Variants in NELL1 observed in about 807,000 individuals in gnomAD.
NELL1 encodes protein kinase C-binding protein NELL1.
NELL1 carries 76 observed loss-of-function variants against 107.4 expected under a neutral mutation model. The observed-to-expected ratio is 0.71, with a 90% CI of 0.59 to 0.86. NELL1 has a LOEUF of 0.86. Among genes scored for constraint, NELL1 ranks in the 40% least tolerant of loss-of-function variants. The probability of loss-of-function intolerance (pLI) is 0.00; values close to 1 mark genes in which losing one functional copy is unlikely to be tolerated. For synonymous variants in NELL1, 353 were observed against 341.2 expected (o/e 1.03, Z -0.38); for missense variants, 1,024 against 1,005.5 (o/e 1.02, Z -0.25).
intron 14 of NELL1, among the ~76,000 whole-genome samples, chr11:21,367,451 G>T (rs1851254415): frequency 2.4e-5 from 2 of 84,254 alleles, no homozygotes; most frequent in Non-Finnish European, 5.8e-5. Context: ...ATTACAAAGG[G>T]CACTAAGTTA....
chr11:21,427,189 C>T (rs1361768724), intron 15 of NELL1, among the ~76,000 whole-genome samples: 3 of 152,200 alleles, frequency 2.0e-5, no homozygotes, highest in Non-Finnish European at 4.4e-5. Context: ...TCACAACAGC[C>T]TTCCAAGAAT....
In NELL1 at chr11:21,382,041, A is replaced by T. The variant is rs1851626584; in HGVS notation, c.1645+11093A>T. Among the ~76,000 whole-genome samples, 3 of 150,428 alleles carry T rather than the reference A, an allele frequency of 2.0e-5. No homozygotes were observed. In the Admixed American group the frequency reaches 2.0e-4, roughly 10 times the overall value. On this transcript the variant is annotated intron_variant, in intron 15 of 19. Coordinates refer to ENST00000357134, the MANE Select transcript of NELL1 (RefSeq NM_006157.5). The stretch of plus-strand genomic sequence containing the variant: ...GACTCTGTACATAGGAAGAGTTGAG[A>T]TCTCATTCAAAAGGCTACCCACTTA...
chr11:21,493,338 T>C (rs148656165), intron 15 of NELL1, among the ~76,000 whole-genome samples: 1 of 152,264 alleles, frequency 6.6e-6, no homozygotes, highest in African/African-American at 2.4e-5. Flanking sequence ...TCAACCTAAG[T>C]GTCCATTGAC....
At chr11:20,805,623 C>G (rs745712952) in intron 3 of NELL1, among the ~76,000 whole-genome samples, 8 of 152,108 alleles carry the variant, frequency 5.3e-5, no homozygotes, top group African/African-American at 9.7e-5. Context: ...AGGTTCATGC[C>G]TCCCGAGCAG....
At chr11:20,677,431 C>T (rs531682892) in intron 1 of NELL1, among the ~76,000 whole-genome samples, 2 of 152,292 alleles carry the variant, frequency 1.3e-5, no homozygotes, top group African/African-American at 4.8e-5. Flanking sequence ...CTTCATAACT[C>T]ATCTGACAGC....
At chr11:21,109,697 G>A (rs1484947599) in intron 12 of NELL1, among the ~76,000 whole-genome samples, 1 of 152,070 alleles carries the variant, frequency 6.6e-6, no homozygotes, top group Non-Finnish European at 1.5e-5. Context: ...ATACCCTTCA[G>A]AGCCTTTTTT....
intron 5 of NELL1, among the ~76,000 whole-genome samples, chr11:20,897,981 A>G (rs1191214746): frequency 6.6e-6 from 1 of 152,222 alleles, no homozygotes; most frequent in African/African-American, 2.4e-5. Context: ...GGGACCGTAA[A>G]CTAGTTCAGC....
intron 13 of NELL1, among the ~76,000 whole-genome samples, chr11:21,144,866 T>C (rs897393556): frequency 1.3e-5 from 2 of 152,070 alleles, no homozygotes; most frequent in African/African-American, 4.8e-5. Context: ...GACAAGGAAG[T>C]TCTAAAATGC....
chr11:20,848,839 G>T (rs1466411823), intron 4 of NELL1, among the ~76,000 whole-genome samples: 2 of 152,180 alleles, frequency 1.3e-5, no homozygotes, highest in Non-Finnish European at 2.9e-5. Flanking sequence ...CTGTTGTCAG[G>T]CTCAAGGGAA....
At chr11:21,203,209 T>C (rs181052704) in intron 13 of NELL1, among the ~76,000 whole-genome samples, 30 of 152,296 alleles carry the variant, frequency 2.0e-4, no homozygotes, top group Middle Eastern at 3.4e-3. Context: ...CTGTCTAATA[T>C]GGACAGTGAG....
chr11:20,865,349 C>T (rs910885837), intron 4 of NELL1, among the ~76,000 whole-genome samples: 1 of 152,216 alleles, frequency 6.6e-6, no homozygotes, highest in African/African-American at 2.4e-5. Flanking sequence ...ACCAAAATGT[C>T]ACCTCCTTCA....
chr11:21,065,595 G>A lies in NELL1; in HGVS notation c.1301-47994G>A, dbSNP rs547447903. Among the ~76,000 whole-genome samples, 18 of 152,206 alleles carry A rather than the reference G, an allele frequency of 1.2e-4. No homozygotes were observed. The South Asian group carries it at 2.5e-3, about 21-fold the overall frequency. ...GGTAACCTGGCATTGGATTGCATGC[G>A]TTGCATTCAAAGAGAACTCTAGTCC... On this transcript the variant is annotated intron_variant, in intron 12 of 19. Coordinates refer to ENST00000357134, the MANE Select transcript of NELL1 (RefSeq NM_006157.5).
At chr11:20,841,779 A>C (rs945308762) in intron 3 of NELL1, among the ~76,000 whole-genome samples, 35 of 152,160 alleles carry the variant, frequency 2.3e-4, no homozygotes, top group Non-Finnish European at 1.0e-4. Context: ...CTTTTGAGGA[A>C]TCCTAGGGCT....
chr11:20,902,059 G>T (rs1036145611), intron 5 of NELL1, among the ~76,000 whole-genome samples: 1 of 151,992 alleles, frequency 6.6e-6, no homozygotes, highest in African/African-American at 2.4e-5. Flanking sequence ...AATGTTGAAA[G>T]GTTTAGAAGA....
Position 21,009,550 on chromosome 11 carries a change from G to A in NELL1, c.1300+48990G>A, listed in dbSNP as rs1415921890. On this transcript the variant is annotated intron_variant, in intron 12 of 19. Transcript: ENST00000357134. ...TGGTTACCCAGAGCTCACATGCAAC[G>A]TGGCATTTCTTCTGCTTGAAATCAC... Among the ~76,000 whole-genome samples the A allele has an allele frequency of 4.6e-5, 7 of 151,956 alleles. No individual in the cohort carries two copies. In the East Asian group the frequency reaches 5.9e-4, roughly 13 times the overall value.
At chr11:20,788,116 G>A (rs916635335) in intron 3 of NELL1, among the ~76,000 whole-genome samples, 2 of 152,114 alleles carry the variant, frequency 1.3e-5, no homozygotes. Flanking sequence ...TCAGTTGGTG[G>A]ACATTTGAAT....
At chr11:21,526,667 G>A (rs1215807992) in intron 15 of NELL1, among the ~76,000 whole-genome samples, 1 of 152,086 alleles carries the variant, frequency 6.6e-6, no homozygotes, top group Non-Finnish European at 1.5e-5. Flanking sequence ...TTGACTTCTG[G>A]GCACCCACAG....
chr11:20,832,864 C>G (rs1431588616), intron 3 of NELL1, among the ~76,000 whole-genome samples: 1 of 152,158 alleles, frequency 6.6e-6, no homozygotes, highest in Non-Finnish European at 1.5e-5. Flanking sequence ...CCTACAACCC[C>G]CACTCTCATC....
At chr11:20,918,139 G>T in intron 5 of NELL1, 43 bp from the exon 6 acceptor site, 1 of 1,080,562 alleles carries the variant, frequency 9.3e-7, no homozygotes, top group Non-Finnish European at 1.4e-6. Flanking sequence ...ATTTGAGCTG[G>T]TGACTGTAAT....
Sources: gnomAD v4.1 joint callset for allele counts (sites outside exome capture counted in the v4.1 genomes callset) on GRCh38, gnomAD v4.1.1 for gene constraint, MANE v1.5 for transcripts, NCBI Gene and HGNC (gene_info 2026-07-23, HGNC 2026-07-21) for gene names.